EXOC6B: variants seen among roughly 807,000 people sequenced by gnomAD.
The protein encoded by EXOC6B is SEC15 homolog B.
In EXOC6B, 54 loss-of-function variants were observed where a neutral mutation model predicts 113.5. The observed-to-expected ratio is 0.48, with a 90% CI of 0.38 to 0.60. The LOEUF is 0.60. Among genes scored for constraint, EXOC6B ranks in the 20% least tolerant of loss-of-function variants. EXOC6B has a pLI of 0.00. For synonymous variants in EXOC6B, 357 were observed against 339.0 expected, an observed-to-expected ratio of 1.05 and a Z score of -0.58; for missense variants, 797 against 977.5, an observed-to-expected ratio of 0.82 and a Z score of 2.46.
intron 18 of EXOC6B, among the ~76,000 whole-genome samples, chr2:72,405,136 G>T (rs1295160528): frequency 6.6e-6 from 1 of 151,510 alleles, no homozygotes; most frequent in Non-Finnish European, 1.5e-5. Flanking sequence ...ATGAAATGAA[G>T]TGAGAAGTTT....
At chr2:72,266,727 TG>T (rs1453432402) in intron 20 of EXOC6B, among the ~76,000 whole-genome samples, 1 of 152,206 alleles carries the variant, frequency 6.6e-6, no homozygotes, top group Non-Finnish European at 1.5e-5. Flanking sequence ...AGGATTGACT[TG>T]GTGATGCGGG....
At chr2:72,765,402 G>A (rs1443229397) in intron 1 of EXOC6B, among the ~76,000 whole-genome samples, 1 of 152,160 alleles carries the variant, frequency 6.6e-6, no homozygotes, top group Non-Finnish European at 1.5e-5. Flanking sequence ...GTCAGGCGTG[G>A]TGGCTCAGGC....
At chr2:72,601,435 T>C (rs10188854) in intron 6 of EXOC6B, among the ~76,000 whole-genome samples, 3,636 of 152,252 alleles carry the variant, frequency 0.024, 149 homozygotes, top group African/African-American at 0.082. Flanking sequence ...TCCACCTGCC[T>C]TGGCCTCCCA....
chr2:72,586,766 T>G lies in EXOC6B; in HGVS notation c.670-11098A>C, dbSNP rs541088994. ...ACTCCGTCTCAAAAAAATAAAAAAA[T>G]AAAAAAAAAAGAAGACATTCATCAA... On this transcript the variant is annotated intron_variant, in intron 6 of 21. Coordinates refer to ENST00000272427, the MANE Select transcript of EXOC6B (RefSeq NM_015189.3). 2.2e-5 allele frequency among the ~76,000 whole-genome samples: 3 copies of G among 139,448 alleles called. No homozygotes were observed. In the East Asian group the frequency reaches 6.2e-4, roughly 29 times the overall value. The allele number at this position is 139,448 out of a possible 152,430, so 91.5% of individuals were successfully genotyped here.
intron 6 of EXOC6B, among the ~76,000 whole-genome samples, chr2:72,589,356 T>C (rs868685505): frequency 2.4e-4 from 36 of 152,090 alleles, no homozygotes; most frequent in Middle Eastern, 6.8e-3. Flanking sequence ...TTAATACGCA[T>C]ATTTGAGTTG....
At chr2:72,760,983 C>G (rs1398115705) in intron 1 of EXOC6B, among the ~76,000 whole-genome samples, 1 of 152,098 alleles carries the variant, frequency 6.6e-6, no homozygotes, top group African/African-American at 2.4e-5. Flanking sequence ...ACTTCAGGAC[C>G]AGCCTGGCCA....
intron 1 of EXOC6B, among the ~76,000 whole-genome samples, chr2:72,801,306 C>A (rs1411851755): frequency 6.6e-6 from 1 of 152,032 alleles, no homozygotes; most frequent in Non-Finnish European, 1.5e-5. Flanking sequence ...TTAGTACTTG[C>A]AAATAATTTA....
chr2:72,759,059 T>C (rs1682602534), intron 1 of EXOC6B, among the ~76,000 whole-genome samples: 1 of 152,230 alleles, frequency 6.6e-6, no homozygotes, highest in Non-Finnish European at 1.5e-5. Context: ...ACAGGCTTCA[T>C]AGCCAGACTT....
intron 6 of EXOC6B, among the ~76,000 whole-genome samples, chr2:72,591,013 A>G (rs1208622131): frequency 6.6e-6 from 1 of 152,072 alleles, no homozygotes; most frequent in Non-Finnish European, 1.5e-5. Flanking sequence ...CCATAGAAAA[A>G]AGAATAGCAA....
intron 17 of EXOC6B, among the ~76,000 whole-genome samples, chr2:72,467,995 T>C (rs921672862): frequency 6.6e-6 from 1 of 152,186 alleles, no homozygotes; most frequent in Middle Eastern, 3.2e-3. Context: ...GGTCTCGAAC[T>C]CTTGACCTCA....
intron 8 of EXOC6B, among the ~76,000 whole-genome samples, chr2:72,532,979 T>C (rs957891970): frequency 6.6e-6 from 1 of 152,140 alleles, no homozygotes; most frequent in Non-Finnish European, 1.5e-5. Flanking sequence ...AATTTACCTA[T>C]AATAACTTTC....
intron 6 of EXOC6B, among the ~76,000 whole-genome samples, chr2:72,641,876 G>C (rs374067602): frequency 9.8e-5 from 15 of 152,354 alleles, no homozygotes; most frequent in African/African-American, 3.4e-4. Context: ...GGAAGGATCA[G>C]GCAGCAATAT....
rs76307828 is a variant in EXOC6B at position 72,248,672 on chromosome 2, G to T, written c.2197-64485C>A. Among the ~76,000 whole-genome samples, 1,014 of 152,248 alleles carry T rather than the reference G, an allele frequency of 6.7e-3. 3 individuals carry two copies. The highest frequency in any genetic ancestry group is 0.012 in the Non-Finnish European group (787 of 68,022). On this transcript the variant is annotated intron_variant, in intron 20 of 21. Coordinates refer to ENST00000272427, the MANE Select transcript of EXOC6B (RefSeq NM_015189.3). ...TTGTGTCTAGCAGAGTAAATGCTCG[G>T]TAAGTATTTGTAGAATAAATGAAAA... is the stretch of plus-strand genomic sequence containing the variant.
chr2:72,476,330 T>C (rs753697598), intron 17 of EXOC6B, among the ~76,000 whole-genome samples: 16 of 152,212 alleles, frequency 1.1e-4, no homozygotes, highest in Admixed American at 7.2e-4. Context: ...AGGCATTTAC[T>C]GTCACTTTTC....
At chr2:72,484,451 C>A (rs1343162369) in intron 16 of EXOC6B, among the ~76,000 whole-genome samples, 1 of 151,238 alleles carries the variant, frequency 6.6e-6, no homozygotes, top group Non-Finnish European at 1.5e-5. Flanking sequence ...CCTGTAGTCC[C>A]AGCTACTCGG....
At chr2:72,699,985 G>A (rs1573645432) in intron 6 of EXOC6B, among the ~76,000 whole-genome samples, 1 of 152,080 alleles carries the variant, frequency 6.6e-6, no homozygotes, top group Non-Finnish European at 1.5e-5. Context: ...CTAAAATGGT[G>A]TAACATTTGC....
At chr2:72,482,793 T>G (rs763453037) in intron 16 of EXOC6B, among the ~76,000 whole-genome samples, 2 of 152,178 alleles carry the variant, frequency 1.3e-5, no homozygotes, top group African/African-American at 4.8e-5. Flanking sequence ...TGGTTTCAAC[T>G]AAGAAAAAGT....
intron 20 of EXOC6B, among the ~76,000 whole-genome samples, chr2:72,253,399 T>C (rs1683145957): frequency 6.6e-6 from 1 of 152,086 alleles, no homozygotes; most frequent in Non-Finnish European, 1.5e-5. Flanking sequence ...CACATGAAAA[T>C]ATTTTTCCGA....
At chr2:72,746,828 C>T (rs1364092955) in intron 1 of EXOC6B, among the ~76,000 whole-genome samples, 2 of 152,032 alleles carry the variant, frequency 1.3e-5, no homozygotes, top group Non-Finnish European at 2.9e-5. Flanking sequence ...CAGTCTATCT[C>T]TTTGAACAAG....
Sources: allele counts gnomAD v4.1 joint callset (sites outside exome capture counted in the v4.1 genomes callset), GRCh38; gene constraint gnomAD v4.1.1; transcripts MANE v1.5; gene names NCBI Gene and HGNC (gene_info 2026-07-23, HGNC 2026-07-21).